Variants in DCAF16 observed in about 807,000 individuals in gnomAD.
DCAF16 encodes DDB1 and CUL4 associated factor 16.
A neutral mutation model predicts 17.3 loss-of-function variants in DCAF16; 10 were observed. The ratio of observed to expected loss-of-function variants is 0.58; its 90% CI spans 0.36 to 0.98. The LOEUF is 0.98. Ranked by LOEUF, DCAF16 falls within the 50% of genes least tolerant of loss-of-function variation. DCAF16 has a pLI of 0.01. For missense variants in DCAF16, 249 were observed against 247.6 expected (o/e 1.01, Z -0.04); for synonymous variants, 111 against 92.8 (o/e 1.20, Z -1.12).
downstream of DCAF16, among the ~76,000 whole-genome samples, chr4:17,797,938 T>C (rs1577307935): frequency 6.6e-6 from 1 of 152,206 alleles, no homozygotes; most frequent in Admixed American, 6.5e-5. Flanking sequence ...AACTTAACAA[T>C]TTCTCCCCAA....
chr4:17,795,374 C>T, the DCAF16 span, among the ~76,000 whole-genome samples: 1 of 149,194 alleles, frequency 6.7e-6, no homozygotes, highest in African/African-American at 2.6e-5. Context: ...ATTCATTTCA[C>T]AGGGCACTTA....
chr4:17,798,190 C>A (rs887793161), downstream of DCAF16, among the ~76,000 whole-genome samples: 8 of 152,134 alleles, frequency 5.3e-5, no homozygotes, highest in African/African-American at 9.7e-5. Flanking sequence ...AATAAACTGC[C>A]CAAATTCCAG....
intron 1 of DCAF16, 107 bp from the exon 2 acceptor site, chr4:17,805,332 C>T (rs1249632400): frequency 6.6e-6 from 1 of 151,946 alleles, no homozygotes; most frequent in Non-Finnish European, 1.5e-5. Context: ...AAAGTATAGG[C>T]TCACTTCACT....
In DCAF16 at chr4:17,803,608, G is replaced by A. The variant is rs777579399; in HGVS notation, c.534C>T (p.Cys178=). ...TAACTGTTTTAGTCAGCCAGCCACA[G>A]CAACACCCAGAAACACATGAATTAG... ...QIPNSCVSGC[C]CGWLTKTVKE... Residue 178 remains cysteine (C), a synonymous_variant, in exon 3 of 3, where the codon TGC becomes TGT. Transcript: ENST00000382247. The A allele has an allele frequency of 6.8e-6, 11 of 1,614,096 alleles. No homozygotes were observed. In the East Asian group the frequency reaches 2.0e-4, roughly 29 times the overall value.
At position 17,810,481 on chromosome 4, in the gene DCAF16, C is replaced by A. The variant is rs1333088393; in HGVS notation, c.-784G>T. The stretch of plus-strand genomic sequence containing the variant: ...CCCCGCTCAGCGGACCCAGCAGCGT[C>A]GTCTCCCTTCTCAGAGGTGGCCGGG... On this transcript the variant is annotated 5_prime_UTR_variant, in exon 1 of 3. Transcript: ENST00000382247. The A allele has an allele frequency of 6.6e-6, 1 of 152,448 alleles. No individual in the cohort carries two copies. The highest frequency in any genetic ancestry group is 1.5e-5 in the Non-Finnish European group (1 of 68,218). The allele number at this position is 152,448 out of a possible 1,614,324, so 9.4% of individuals were successfully genotyped here.
At chr4:17,798,222 A>G (rs1227899751), downstream of DCAF16, among the ~76,000 whole-genome samples, 1 of 152,128 alleles carries the variant, frequency 6.6e-6, no homozygotes, top group East Asian at 1.9e-4. Context: ...TTATGATTCA[A>G]CTTGAAACTG....
At chr4:17,808,614 C>T (rs76285709) in intron 1 of DCAF16, among the ~76,000 whole-genome samples, 1 of 145,580 alleles carries the variant, frequency 6.9e-6, no homozygotes. Flanking sequence ...CAAAACAAAA[C>T]AAAAAAAAAA....
In DCAF16 at chr4:17,804,035, G is replaced by C. The variant is rs142767113; in HGVS notation, c.107C>G (p.Ser36Cys). The change falls in exon 3 of 3, where the codon TCT (serine) becomes TGT (cysteine). Residue 36 changes from serine (S) to cysteine (C), a missense_variant. Transcript: ENST00000382247. Reference sequence around the variant, plus strand: ...GGGCACCATAGAGTCCTCTTCTTCAGAGGAATCCCACTCTTCCCCAGAACT... The same window carrying C: ...GGGCACCATAGAGTCCTCTTCTTCACAGGAATCCCACTCTTCCCCAGAACT... Reference protein sequence around the residue: ...NESSGEEWDSSEEEDSMVPNL... With the variant: ...NESSGEEWDSCEEEDSMVPNL... 1.2e-6 allele frequency: 2 copies of C among 1,614,046 alleles called. No individual in the cohort carries two copies. Among genetic ancestry groups the C allele is most frequent in the Middle Eastern group, 1.6e-4 (1 of 6,084 alleles).
At chr4:17,795,082 T>C in the DCAF16 span, among the ~76,000 whole-genome samples, 1 of 152,194 alleles carries the variant, frequency 6.6e-6, no homozygotes, top group African/African-American at 2.4e-5. Context: ...GAGATAAAAT[T>C]CTGAGACCAT....
Position 17,802,612 on chromosome 4 carries a change from G to A in DCAF16, c.*879C>T, listed in dbSNP as rs1008661021. 4 of 144,606 alleles carry A rather than the reference G, an allele frequency of 2.8e-5. No individual in the cohort carries two copies. The highest frequency in any genetic ancestry group is 7.8e-5 in the African/African-American group (3 of 38,252). 9.0% of individuals were successfully genotyped at this position (144,606 alleles called of 1,614,324 possible). On this transcript the variant is annotated 3_prime_UTR_variant, in exon 3 of 3. Transcript: ENST00000382247. ...TCATATCCCTGCCATTTTCCTTTGT[G>A]TAGTTACCCAGTTTAATTCAACTAC... is the stretch of plus-strand genomic sequence containing the variant.
chr4:17,810,001 C>T (rs1438742048), intron 1 of DCAF16, among the ~76,000 whole-genome samples: 1 of 152,134 alleles, frequency 6.6e-6, no homozygotes, highest in Non-Finnish European at 1.5e-5. Context: ...ATTTCTTTTA[C>T]AACAGGACAG....
chr4:17,800,144 CAA>C (rs971077538), downstream of DCAF16, among the ~76,000 whole-genome samples: 7 of 45,980 alleles, frequency 1.5e-4, no homozygotes, highest in Admixed American at 2.2e-4. Context: ...AACTCCATCT[CAA>C]AAAAAAAAAA....
chr4:17,804,246 A>G lies in DCAF16; in HGVS notation c.-105T>C, dbSNP rs1720098897. On this transcript the variant is annotated 5_prime_UTR_variant, in exon 3 of 3. Coordinates refer to ENST00000382247, the MANE Select transcript of DCAF16 (RefSeq NM_017741.4). ...ATAAGAGATGAAAAATCCTTTCACCAAGATTAATTTGTCTTTCAGTCCGTT... is the reference window on the plus strand; with the variant it reads ...ATAAGAGATGAAAAATCCTTTCACCGAGATTAATTTGTCTTTCAGTCCGTT... 2 of 984,632 alleles carry G rather than the reference A, an allele frequency of 2.0e-6. No homozygotes were observed. The highest frequency in any genetic ancestry group is 1.6e-5 in the African/African-American group (1 of 60,644). 61.0% of individuals were successfully genotyped at this position (984,632 alleles called of 1,614,324 possible).
chr4:17,809,378 A>G (rs1412209294), intron 1 of DCAF16: 1 of 152,258 alleles, frequency 6.6e-6, no homozygotes, highest in Non-Finnish European at 1.5e-5. Context: ...GAAAAAAGCC[A>G]GATGCACATA....
chr4:17,804,056 G>C lies in DCAF16; in HGVS notation c.86C>G (p.Ser29Cys). 1.2e-6 allele frequency: 2 copies of C among 1,614,112 alleles called. No individual in the cohort carries two copies. Among genetic ancestry groups the C allele is most frequent in the Non-Finnish European group, 1.7e-6 (2 of 1,179,988 alleles). The change falls in exon 3 of 3, where the codon TCT becomes TGT. Residue 29 changes from serine to cysteine, a missense_variant. Transcript: ENST00000382247. ...EENISYLNES[S>C]GEEWDSSEEE... Reference sequence around the variant, plus strand: ...TTCAGAGGAATCCCACTCTTCCCCAGAACTCTCATTTAGGTAACTAATATT... The same window carrying C: ...TTCAGAGGAATCCCACTCTTCCCCACAACTCTCATTTAGGTAACTAATATT...
intron 1 of DCAF16, chr4:17,809,389 T>C (rs1230933245): frequency 6.6e-6 from 1 of 152,240 alleles, no homozygotes; most frequent in Non-Finnish European, 1.5e-5. Context: ...GATGCACATA[T>C]AATTATTCAT....
the DCAF16 span, among the ~76,000 whole-genome samples, chr4:17,795,470 C>G: frequency 2.0e-5 from 3 of 151,916 alleles, no homozygotes; most frequent in Non-Finnish European, 2.9e-5. Context: ...CCTTCTTTCT[C>G]TGTTCTCTCA....
chr4:17,808,283 A>C (rs1012483361), intron 1 of DCAF16, among the ~76,000 whole-genome samples: 13 of 152,230 alleles, frequency 8.5e-5, no homozygotes, highest in Non-Finnish European at 1.8e-4. Flanking sequence ...GTCTTTATTA[A>C]CTGAGACAGG....
chr4:17,795,281 G>A, the DCAF16 span, among the ~76,000 whole-genome samples: 1 of 152,062 alleles, frequency 6.6e-6, no homozygotes, highest in African/African-American at 2.4e-5. Flanking sequence ...AACTTTCTCC[G>A]CTACATTTAT....
Sources: gnomAD v4.1 joint callset for allele counts (sites outside exome capture counted in the v4.1 genomes callset) on GRCh38, gnomAD v4.1.1 for gene constraint, MANE v1.5 for transcripts, NCBI Gene and HGNC (gene_info 2026-07-23, HGNC 2026-07-21) for gene names.